TINCR: variants seen among roughly 807,000 people sequenced by gnomAD.
TINCR encodes the protein TINCR ubiquitin domain containing.
chr19:5,566,175 A>C (rs2052127506), intron 1 of TINCR, among the ~76,000 whole-genome samples: 1 of 152,190 alleles, frequency 6.6e-6, no homozygotes, highest in African/African-American at 2.4e-5. Flanking sequence ...AGAGAGACAG[A>C]GCTTCAGAGA....
exon 1 of TINCR, chr19:5,567,804 G>T: frequency 7.6e-6 from 3 of 394,292 alleles, no homozygotes; most frequent in Non-Finnish European, 1.3e-5. Context: ...AGCTGGGCGC[G>T]CAGGTCGCTG....
In TINCR at chr19:5,563,975, C is replaced by T. The variant is rs769370411; in HGVS notation, c.261-1026G>A. Among the ~76,000 whole-genome samples the T allele has an allele frequency of 2.6e-5, 4 of 152,118 alleles. No individual in the cohort carries two copies. The highest frequency in any genetic ancestry group is 4.8e-5 in the African/African-American group (2 of 41,436). ...TCGCCAGGGGACAGCGGTAAGGCCA[C>T]GTGAAAAGCCCCTAGCATCTCAAAG... On this transcript the variant is annotated intron_variant, in intron 1 of 1. Transcript: ENST00000646160. This position sits in a 1 kb window ranked among gnomAD's most constrained non-coding sequence, Gnocchi z 4.7.
chr19:5,565,931 G>C lies in TINCR; in HGVS notation c.260+1734C>G, dbSNP rs892902184. Among the ~76,000 whole-genome samples the C allele has an allele frequency of 6.6e-6, 1 of 152,182 alleles. No individual in the cohort carries two copies. Among genetic ancestry groups the C allele is most frequent in the Non-Finnish European group, 1.5e-5 (1 of 68,030 alleles). On this transcript the variant is annotated intron_variant, in intron 1 of 1. Transcript: ENST00000646160. The surrounding 1 kb of genome is among the most constrained non-coding windows in gnomAD (Gnocchi z 4.0). Reference sequence around the variant, plus strand: ...GGCCCCACCATCTTCACCACCTCTCGGCCATCCTCGACCCATTTCCCAGAG... The same window carrying C: ...GGCCCCACCATCTTCACCACCTCTCCGCCATCCTCGACCCATTTCCCAGAG...
chr19:5,567,389 G>C (rs1319418142), intron 1 of TINCR, among the ~76,000 whole-genome samples: 1 of 152,014 alleles, frequency 6.6e-6, no homozygotes, highest in Non-Finnish European at 1.5e-5. Flanking sequence ...AGACAGAGAC[G>C]AGAGAGTGAC....
chr19:5,564,853 C>T (rs1411639126), intron 1 of TINCR, among the ~76,000 whole-genome samples: 3 of 152,212 alleles, frequency 2.0e-5, no homozygotes, highest in African/African-American at 4.8e-5. Flanking sequence ...GCTGGGATTG[C>T]AGGTGTGAAC....
intron 1 of TINCR, among the ~76,000 whole-genome samples, chr19:5,564,457 CCT>C (rs2052117565): frequency 6.6e-6 from 1 of 152,182 alleles, no homozygotes; most frequent in Admixed American, 6.5e-5. Context: ...GATAGGGGCC[CCT>C]GTCTGTTGGG....
At chr19:5,562,421 C>T (rs2052106343), downstream of TINCR, 1 of 152,480 alleles carries the variant, frequency 6.6e-6, no homozygotes, top group Non-Finnish European at 1.5e-5. The surrounding 1 kb of genome is among the most constrained non-coding windows in gnomAD (Gnocchi z 4.4). Context: ...CTTGCCTCTG[C>T]TCACGATTAT....
Position 5,565,022 on chromosome 19 carries a change from G to A in TINCR, c.261-2073C>T, listed in dbSNP as rs758423986. Among the ~76,000 whole-genome samples, 13 of 152,074 alleles carry A rather than the reference G, an allele frequency of 8.5e-5. No individual in the cohort carries two copies. Among genetic ancestry groups the A allele is most frequent in the Non-Finnish European group, 1.2e-4 (8 of 67,984 alleles). Reference sequence around the variant, plus strand: ...GGGGTTGCCTGTGAGCATTGAGTCAGGTCCCGTCCCTCCTCTGCCCACAGC... The same window carrying A: ...GGGGTTGCCTGTGAGCATTGAGTCAAGTCCCGTCCCTCCTCTGCCCACAGC... On this transcript the variant is annotated intron_variant, in intron 1 of 1. Transcript: ENST00000646160. This position sits in a 1 kb window ranked among gnomAD's most constrained non-coding sequence, Gnocchi z 4.0.
chr19:5,565,834 G>C lies in TINCR; in HGVS notation c.260+1831C>G, dbSNP rs1303868256. ...GTGAATGTGACCCCCATAAAATCCA[G>C]GGTAATTCACATGGCCCCCGTCCCT... On this transcript the variant is annotated intron_variant, in intron 1 of 1. Transcript: ENST00000646160. The surrounding 1 kb of genome is among the most constrained non-coding windows in gnomAD (Gnocchi z 4.0). Among the ~76,000 whole-genome samples, 1 of 152,096 alleles carries C rather than the reference G, an allele frequency of 6.6e-6. No individual in the cohort carries two copies. Among genetic ancestry groups the C allele is most frequent in the Non-Finnish European group, 1.5e-5 (1 of 67,986 alleles).
chr19:5,567,626 G>GCCCCCCCCCCCCCCCCCCCCCCCCC, intron 1 of TINCR, 39 bp downstream of exon 1: 2 of 202,442 alleles, frequency 9.9e-6, no homozygotes, highest in Non-Finnish European at 9.8e-6. Flanking sequence ...GTCCCCGGCC[G>GCCCCCCCCCCCCCCCCCCCCCCCCC]CCGCCCCCGC....
downstream of TINCR, chr19:5,559,536 C>G (rs1389308031): frequency 6.6e-6 from 1 of 152,076 alleles, no homozygotes; most frequent in Non-Finnish European, 1.5e-5. Flanking sequence ...GGGGTTTCAC[C>G]GTGTTAGCCA....
intron 1 of TINCR, among the ~76,000 whole-genome samples, chr19:5,566,268 A>C (rs1316131325): frequency 2.6e-5 from 4 of 152,196 alleles, no homozygotes; most frequent in Non-Finnish European, 5.9e-5. Context: ...CAGCGAGAAA[A>C]AGAGCAGAGA....
intron 1 of TINCR, among the ~76,000 whole-genome samples, chr19:5,564,385 T>C (rs2052117070): frequency 6.6e-6 from 1 of 152,058 alleles, no homozygotes; most frequent in African/African-American, 2.4e-5. Flanking sequence ...CAGAACCCAT[T>C]TGATGCCCAG....
rs1384368367 is a variant in TINCR, at chr19:5,563,247, C to T, written c.261-298G>A. Reference sequence around the variant, plus strand: ...CCGGCAGAGGAGGGACACGCCCCGACTCAGGGGCTCACAGGCGCCCTCTGG... The same window carrying T: ...CCGGCAGAGGAGGGACACGCCCCGATTCAGGGGCTCACAGGCGCCCTCTGG... On this transcript the variant is annotated intron_variant, in intron 1 of 1. Coordinates refer to ENST00000646160, the Ensembl canonical transcript of TINCR. This position sits in a 1 kb window ranked among gnomAD's most constrained non-coding sequence, Gnocchi z 4.7. Among the ~76,000 whole-genome samples, 3 of 152,008 alleles carry T rather than the reference C, an allele frequency of 2.0e-5. No individual in the cohort carries two copies. In the East Asian group the frequency reaches 5.8e-4, roughly 30 times the overall value.
exon 1 of TINCR, chr19:5,567,947 C>CAGCTCT (rs2052141169): frequency 2.7e-6 from 1 of 375,476 alleles, no homozygotes; most frequent in Non-Finnish European, 4.7e-6. Flanking sequence ...GCTCCGGCTC[C>CAGCTCT]AGCTCTGGCC....
In TINCR at chr19:5,565,603, CT is replaced by C. The variant is rs906939249; in HGVS notation, c.260+2061del. 2.0e-5 allele frequency among the ~76,000 whole-genome samples: 3 copies of C among 152,106 alleles called. No homozygotes were observed. The highest frequency in any genetic ancestry group is 2.9e-5 in the Non-Finnish European group (2 of 68,022). The stretch of plus-strand genomic sequence containing the variant: ...TAGAAGGTACGCTGCCGAGAACACC[CT>C]CTCCTAGCCCCAAGCTCTGAACCTC... On this transcript the variant is annotated intron_variant, in intron 1 of 1. Coordinates refer to ENST00000646160, the Ensembl canonical transcript of TINCR. The surrounding 1 kb of genome is among the most constrained non-coding windows in gnomAD (Gnocchi z 4.0).
Position 5,567,604 on chromosome 19 carries a change from C to T in TINCR, c.260+61G>A, listed in dbSNP as rs1438032997. The T allele has an allele frequency of 2.7e-5, 10 of 373,680 alleles. No homozygotes were observed. In the East Asian group the frequency reaches 3.1e-4, roughly 12 times the overall value. The allele number at this position is 373,680 out of a possible 1,614,324, so 23.1% of individuals were successfully genotyped here. A position where few individuals can be genotyped will look rare whatever the true frequency, so the allele number is the denominator to read the frequency against. On this transcript the variant is annotated intron_variant, in intron 1 of 1. Coordinates refer to ENST00000646160, the Ensembl canonical transcript of TINCR. Reference sequence around the variant, plus strand: ...CGCCTTGGGCGCCCGCCTCCCCCGCCGCTCTCCAGGGGTCCCCGGCCGCCG... The same window carrying T: ...CGCCTTGGGCGCCCGCCTCCCCCGCTGCTCTCCAGGGGTCCCCGGCCGCCG...
At chr19:5,561,966 G>A (rs1210981731), downstream of TINCR, 1 of 152,322 alleles carries the variant, frequency 6.6e-6, no homozygotes, top group Non-Finnish European at 1.5e-5. Flanking sequence ...AGTGTATGGA[G>A]GGGGATGATG....
chr19:5,566,350 G>A (rs1380905659), intron 1 of TINCR, among the ~76,000 whole-genome samples: 3 of 151,084 alleles, frequency 2.0e-5, no homozygotes, highest in Middle Eastern at 3.4e-3. Context: ...ACAGAGACAC[G>A]CAGAGAAACA....
Sources: allele counts gnomAD v4.1 joint callset (sites outside exome capture counted in the v4.1 genomes callset), GRCh38; gene constraint gnomAD v4.1.1; non-coding constraint Gnocchi (gnomAD v3.1); transcripts MANE v1.5; gene names NCBI Gene and HGNC (gene_info 2026-07-23, HGNC 2026-07-21).